ABR: variants seen among roughly 807,000 people sequenced by gnomAD.
ABR encodes the protein active breakpoint cluster region-related protein.
A neutral mutation model predicts 107.2 loss-of-function variants in ABR; 35 were observed. That is an observed-to-expected ratio of 0.33 (90% CI 0.25 to 0.43). The LOEUF is 0.43. Among genes scored for constraint, ABR ranks in the 20% least tolerant of loss-of-function variants. The pLI, the probability that ABR is intolerant of heterozygous loss-of-function variation, is 1.00. For synonymous variants in ABR, 498 were observed against 462.0 expected (o/e 1.08, Z -1.00); for missense variants, 815 against 1,115.2 (o/e 0.73, Z 3.83).
chr17:1,091,939 C>G, intron 3 of ABR, 89 bp from the exon 4 acceptor site: 1 of 1,367,178 alleles, frequency 7.3e-7, no homozygotes, highest in Non-Finnish European at 1.0e-6. Context: ...TAGCCCTTCC[C>G]GCTGCCCAAG....
chr17:1,156,268 G>T (rs1016802301), intron 1 of ABR: 1 of 152,194 alleles, frequency 6.6e-6, no homozygotes, highest in African/African-American at 2.4e-5. Flanking sequence ...TGTTGAGAGG[G>T]AACCTGGGGC....
chr17:1,141,481 G>T (rs2040280933), intron 1 of ABR, among the ~76,000 whole-genome samples: 1 of 152,170 alleles, frequency 6.6e-6, no homozygotes, highest in Non-Finnish European at 1.5e-5. Flanking sequence ...ATAAAAACAA[G>T]ATCTATACCT....
At chr17:1,223,148 G>A (rs12937520) in intron 1 of ABR, among the ~76,000 whole-genome samples, 75,540 of 151,328 alleles carry the variant, frequency 0.5, 19,426 homozygotes, top group Middle Eastern at 0.56. Context: ...GTTGCAGTGA[G>A]CCGAGATCTT....
rs756674542 is a variant in ABR, at chr17:1,056,989, C to T, written c.1486+9G>A. 141 of 1,598,754 alleles carry T rather than the reference C, an allele frequency of 8.8e-5. No homozygotes were observed. The highest frequency in any genetic ancestry group is 8.0e-5 in the Non-Finnish European group (93 of 1,167,566). ...TGCCGGTTGGGCCACCTCTGGTTCCCGAGCTTACCGTCTTTATTGCTGGTG... is the reference window on the plus strand; with the variant it reads ...TGCCGGTTGGGCCACCTCTGGTTCCTGAGCTTACCGTCTTTATTGCTGGTG... On this transcript the variant is annotated intron_variant, in intron 13 of 22. Coordinates refer to ENST00000302538, the MANE Select transcript of ABR (RefSeq NM_021962.5).
At chr17:1,215,495 C>T (rs1449437885) in intron 1 of ABR, among the ~76,000 whole-genome samples, 1 of 152,212 alleles carries the variant, frequency 6.6e-6, no homozygotes, top group Non-Finnish European at 1.5e-5. Context: ...CCAGCCTCGG[C>T]CTCCCGAGGT....
intron 16 of ABR, among the ~76,000 whole-genome samples, chr17:1,035,238 C>A (rs552257577): frequency 4.0e-5 from 6 of 151,662 alleles, no homozygotes; most frequent in African/African-American, 1.5e-4. Flanking sequence ...CAGCCCACCA[C>A]GGACCCCTCC....
At chr17:1,146,665 A>C (rs2040545195) in intron 1 of ABR, among the ~76,000 whole-genome samples, 1 of 115,584 alleles carries the variant, frequency 8.7e-6, no homozygotes, top group African/African-American at 3.7e-5. Flanking sequence ...CACCACTGCC[A>C]CCAGGCCACC....
At position 1,139,376 on chromosome 17, in the gene ABR, C is replaced by T. The variant is rs191010484; in HGVS notation, c.62-14009G>A. Among the ~76,000 whole-genome samples the T allele has an allele frequency of 6.5e-3, 983 of 152,216 alleles. 7 individuals carry two copies. The highest frequency in any genetic ancestry group is 0.022 in the African/African-American group (932 of 41,528). ...AAGCCATTCTCCTGCCTCAGCCTCC[C>T]GAGTAGCTGGGACTACAGGTGCCTG... On this transcript the variant is annotated intron_variant, in intron 1 of 22. Coordinates refer to ENST00000302538, the MANE Select transcript of ABR (RefSeq NM_021962.5).
At chr17:1,008,987 C>T (rs1168650147) in intron 21 of ABR, among the ~76,000 whole-genome samples, 2 of 152,158 alleles carry the variant, frequency 1.3e-5, no homozygotes, top group East Asian at 1.9e-4. Flanking sequence ...AGCAAGTCTC[C>T]GCCTGGTGTG....
intron 1 of ABR, among the ~76,000 whole-genome samples, chr17:1,206,304 C>A (rs2042787823): frequency 6.6e-6 from 1 of 152,140 alleles, no homozygotes; most frequent in Non-Finnish European, 1.5e-5. Flanking sequence ...ACCGAGCATC[C>A]CTTGACCCCT....
chr17:1,111,435 C>G (rs1414046906), intron 2 of ABR, among the ~76,000 whole-genome samples: 2 of 152,194 alleles, frequency 1.3e-5, no homozygotes, highest in African/African-American at 4.8e-5. Context: ...TCACCAGTCC[C>G]CACAGCTTCC....
At chr17:1,198,037 G>C (rs1016421912) in intron 1 of ABR, among the ~76,000 whole-genome samples, 2 of 151,746 alleles carry the variant, frequency 1.3e-5, no homozygotes, top group African/African-American at 2.4e-5. Flanking sequence ...GGGCCCTAAA[G>C]GAGAGCTGAG....
chr17:1,020,849 C>T (rs983669977), intron 16 of ABR, among the ~76,000 whole-genome samples: 1 of 152,132 alleles, frequency 6.6e-6, no homozygotes, highest in Admixed American at 6.5e-5. Context: ...CAGGTGACCC[C>T]ATTTCTCCTG....
intron 1 of ABR, among the ~76,000 whole-genome samples, chr17:1,163,275 A>G (rs2041377539): frequency 6.6e-6 from 1 of 152,224 alleles, no homozygotes; most frequent in African/African-American, 2.4e-5. Flanking sequence ...ACTCTGCATC[A>G]ATCGCATCGT....
rs1051402007 is a variant in ABR at position 1,057,687 on chromosome 17, C to CTGTGTG, written c.1381+277_1381+282dup. 4.2e-5 allele frequency among the ~76,000 whole-genome samples: 5 copies of CTGTGTG among 119,166 alleles called. No homozygotes were observed. In the South Asian group the frequency reaches 1.4e-3, roughly 32 times the overall value. 78.2% of individuals were successfully genotyped at this position (119,166 alleles called of 152,430 possible). A position where few individuals can be genotyped will look rare whatever the true frequency, so the allele number is the denominator to read the frequency against. On this transcript the variant is annotated intron_variant, in intron 12 of 22. Coordinates refer to ENST00000302538, the MANE Select transcript of ABR (RefSeq NM_021962.5). ...TGTGTGTGTGTGTGTGTGTGTGTCT[C>CTGTGTG]TGTGTGTGTGTGTGTGAGAGAGAGA...
chr17:1,107,476 C>G (rs1011266136), intron 2 of ABR, among the ~76,000 whole-genome samples: 2 of 152,232 alleles, frequency 1.3e-5, no homozygotes, highest in African/African-American at 4.8e-5. Context: ...AGCATCTGAG[C>G]AGAATGAAAT....
At chr17:1,126,466 G>A (rs997290938) in intron 1 of ABR, 3 of 152,326 alleles carry the variant, frequency 2.0e-5, no homozygotes, top group African/African-American at 7.2e-5. Context: ...GTAAGCTTCA[G>A]CACTCGTGCG....
intron 1 of ABR, among the ~76,000 whole-genome samples, chr17:1,206,024 G>A (rs1026644413): frequency 2.0e-5 from 3 of 149,260 alleles, no homozygotes; most frequent in African/African-American, 4.8e-5. Context: ...GCTGAGGCAG[G>A]AGAATTATTT....
Position 1,148,514 on chromosome 17 carries a change from T to C in ABR, c.62-23147A>G, listed in dbSNP as rs2040650128. Among the ~76,000 whole-genome samples, 1 of 152,170 alleles carries C rather than the reference T, an allele frequency of 6.6e-6. No individual in the cohort carries two copies. The highest frequency in any genetic ancestry group is 1.5e-5 in the Non-Finnish European group (1 of 68,014). ...TGGACCGGCACCAGTCCGTGGCCTG[T>C]TGGGAACCAGGATGCACAGCCGGAG... On this transcript the variant is annotated intron_variant, in intron 1 of 22. Coordinates refer to ENST00000302538, the MANE Select transcript of ABR (RefSeq NM_021962.5). This position sits in a 1 kb window ranked among gnomAD's most constrained non-coding sequence, Gnocchi z 4.9.
Sources: allele counts gnomAD v4.1 joint callset (sites outside exome capture counted in the v4.1 genomes callset), GRCh38; gene constraint gnomAD v4.1.1; non-coding constraint Gnocchi (gnomAD v3.1); transcripts MANE v1.5; gene names NCBI Gene and HGNC (gene_info 2026-07-23, HGNC 2026-07-21).